CNBD1: variants seen among roughly 807,000 people sequenced by gnomAD.
CNBD1 encodes cyclic nucleotide binding domain containing 1.
In CNBD1, 71 loss-of-function variants were observed where a neutral mutation model predicts 54.4. The observed-to-expected ratio is 1.30, with a 90% confidence interval of 1.08 to 1.59. CNBD1 has a LOEUF of 1.59. Ranked by LOEUF, CNBD1 falls within the 40% of genes most tolerant of loss-of-function variation. The pLI, the probability that CNBD1 is intolerant of heterozygous loss-of-function variation, is 0.00. For synonymous variants in CNBD1, 182 were observed against 170.7 expected (o/e 1.07, Z -0.51); for missense variants, 659 against 518.0 (o/e 1.27, Z -2.64).
intron 8 of CNBD1, among the ~76,000 whole-genome samples, chr8:87,309,095 G>C (rs1809213541): frequency 6.6e-6 from 1 of 151,966 alleles, no homozygotes; most frequent in Non-Finnish European, 1.5e-5. Flanking sequence ...TCGTTCTTTT[G>C]GGTAAGTAGT....
intron 5 of CNBD1, among the ~76,000 whole-genome samples, chr8:87,214,092 C>T (rs895260508): frequency 6.6e-6 from 1 of 152,206 alleles, no homozygotes; most frequent in Non-Finnish European, 1.5e-5. Flanking sequence ...TGGGCAGCTC[C>T]ACCCCTGTGG....
At chr8:87,246,793 G>T (rs1807814758) in intron 6 of CNBD1, among the ~76,000 whole-genome samples, 1 of 151,958 alleles carries the variant, frequency 6.6e-6, no homozygotes, top group Non-Finnish European at 1.5e-5. Flanking sequence ...ACGGACTAGG[G>T]GTGGGGGATG....
chr8:87,088,537 TTTAATA>T (rs1226879278), intron 4 of CNBD1, among the ~76,000 whole-genome samples: 1 of 152,178 alleles, frequency 6.6e-6, no homozygotes, highest in Admixed American at 6.5e-5. Flanking sequence ...TAATTTAACT[TTTAATA>T]TTGTTAAATT....
At chr8:86,958,321 G>C (rs556956756) in intron 4 of CNBD1, among the ~76,000 whole-genome samples, 1 of 152,202 alleles carries the variant, frequency 6.6e-6, no homozygotes, top group African/African-American at 2.4e-5. Flanking sequence ...ATTTGGCATG[G>C]AGAGTTCTGT....
intron 3 of CNBD1, among the ~76,000 whole-genome samples, chr8:86,910,283 C>G (rs796862324): frequency 1.3e-5 from 2 of 152,180 alleles, no homozygotes; most frequent in Non-Finnish European, 2.9e-5. Flanking sequence ...TACTTCTCAT[C>G]CCTGCTCATA....
intron 4 of CNBD1, among the ~76,000 whole-genome samples, chr8:87,052,465 A>T (rs1186467885): frequency 6.6e-6 from 1 of 152,184 alleles, no homozygotes; most frequent in Admixed American, 6.5e-5. Flanking sequence ...TTTGGCCCTG[A>T]TCCTTTATAA....
At chr8:87,362,884 T>G (rs1395256913) in intron 10 of CNBD1, among the ~76,000 whole-genome samples, 1 of 152,082 alleles carries the variant, frequency 6.6e-6, no homozygotes, top group Admixed American at 6.6e-5. Flanking sequence ...ACTTTTTTTT[T>G]GTACTTTAAG....
chr8:87,230,239 A>G (rs1400470689), intron 5 of CNBD1, among the ~76,000 whole-genome samples: 1 of 152,138 alleles, frequency 6.6e-6, no homozygotes, highest in African/African-American at 2.4e-5. Flanking sequence ...CCCATGATCC[A>G]ATCACCTCCC....
chr8:87,392,277 T>C (rs768972761), intron 2 of CNBD1, among the ~76,000 whole-genome samples: 1 of 152,036 alleles, frequency 6.6e-6, no homozygotes, highest in Admixed American at 6.6e-5. Flanking sequence ...ATATTTACTA[T>C]ATTACTGAGC....
chr8:87,307,051 G>C (rs2130887430), intron 8 of CNBD1, among the ~76,000 whole-genome samples: 1 of 152,128 alleles, frequency 6.6e-6, no homozygotes, highest in East Asian at 1.9e-4. Context: ...GTAAAAATTT[G>C]TTTTGTTTTT....
intron 6 of CNBD1, among the ~76,000 whole-genome samples, chr8:87,264,605 A>C (rs1808210279): frequency 6.6e-6 from 1 of 152,190 alleles, no homozygotes; most frequent in South Asian, 2.1e-4. Context: ...ACTAGTTTAC[A>C]GTCCCACCAA....
At chr8:86,993,115 A>G (rs918386066) in intron 4 of CNBD1, among the ~76,000 whole-genome samples, 1 of 151,968 alleles carries the variant, frequency 6.6e-6, no homozygotes, top group Non-Finnish European at 1.5e-5. Flanking sequence ...TGGTCTCTTT[A>G]TATAATCCAA....
At chr8:87,067,896 T>G (rs980588) in intron 4 of CNBD1, among the ~76,000 whole-genome samples, 1 of 151,880 alleles carries the variant, frequency 6.6e-6, no homozygotes, top group Admixed American at 6.6e-5. Context: ...TCCTCTACAA[T>G]AGCTGAAACT....
At chr8:87,287,791 G>A (rs59292046) in intron 8 of CNBD1, among the ~76,000 whole-genome samples, 42,774 of 151,756 alleles carry the variant, frequency 0.28, 6,471 homozygotes, top group African/African-American at 0.39. Flanking sequence ...CTTAAATTTG[G>A]TGAGAATCTA....
intron 4 of CNBD1, among the ~76,000 whole-genome samples, chr8:87,064,997 A>G (rs780651202): frequency 1.7e-4 from 26 of 151,932 alleles, no homozygotes; most frequent in Non-Finnish European, 3.4e-4. Context: ...ATATTGCAAT[A>G]TGGCAATAAT....
chr8:87,118,314 C>CAAAAAAAAA (rs34800282), intron 4 of CNBD1, among the ~76,000 whole-genome samples: 1 of 109,176 alleles, frequency 9.2e-6, no homozygotes, highest in Non-Finnish European at 1.8e-5. Context: ...GACTCTGTCT[C>CAAAAAAAAA]AAAAAAAAAA....
chr8:87,079,638 G>A (rs1247462321), intron 4 of CNBD1, among the ~76,000 whole-genome samples: 1 of 151,914 alleles, frequency 6.6e-6, no homozygotes, highest in Non-Finnish European at 1.5e-5. Flanking sequence ...TTTATCTTTT[G>A]TGTATCTGTA....
At chr8:86,875,848 T>C (rs902486901) in intron 1 of CNBD1, among the ~76,000 whole-genome samples, 8 of 152,192 alleles carry the variant, frequency 5.3e-5, no homozygotes, top group African/African-American at 9.6e-5. Context: ...TTTCAACTTA[T>C]TGTGGAAAAT....
In CNBD1 at chr8:87,119,142, G is replaced by T. The variant is rs184569324; in HGVS notation, c.432-86851G>T. On this transcript the variant is annotated intron_variant, in intron 4 of 10. Transcript: ENST00000518476. ...TCTAATTTTATGAAAAATGACAGCG[G>T]TATTTTGATAGAGATTGAATCAAAT... Among the ~76,000 whole-genome samples, 399 of 152,066 alleles carry T rather than the reference G, an allele frequency of 2.6e-3. 1 individual carries two copies. Among genetic ancestry groups the T allele is most frequent in the African/African-American group, 9.2e-3 (382 of 41,526 alleles).
Sources: allele counts gnomAD v4.1 joint callset (sites outside exome capture counted in the v4.1 genomes callset), GRCh38; gene constraint gnomAD v4.1.1; transcripts MANE v1.5; gene names NCBI Gene and HGNC (gene_info 2026-07-23, HGNC 2026-07-21).